The following FABP12 variants were observed in gnomAD, a reference collection of about 807,000 sequenced individuals.
FABP12 encodes the protein fatty acid-binding protein 12.
In FABP12, 19 loss-of-function variants were observed where a neutral mutation model predicts 13.7. The ratio of observed to expected loss-of-function variants is 1.39; its 90% CI spans 0.97 to 2.04. The LOEUF (loss-of-function observed/expected upper bound fraction) is 2.04, where lower values mean the gene tolerates loss of function less well. FABP12 is among the 30% of genes most tolerant of loss of function. The pLI is 0.00. For missense variants in FABP12, 182 were observed against 164.2 expected (o/e 1.11, Z -0.59); for synonymous variants, 61 against 57.0 (o/e 1.07, Z -0.32).
intron 1 of FABP12, among the ~76,000 whole-genome samples, chr8:81,542,623 G>A (rs1469392730): frequency 4.6e-5 from 7 of 152,176 alleles, no homozygotes; most frequent in Non-Finnish European, 1.0e-4. Flanking sequence ...GATAGGTCAT[G>A]GATAACCAAT....
Position 81,582,311 on chromosome 8 carries a change from C to A in FABP12, c.-185+7742G>T, listed in dbSNP as rs529462167. Among the ~76,000 whole-genome samples the A allele has an allele frequency of 6.3e-4, 96 of 151,644 alleles. 1 individual carries two copies. In the South Asian group the frequency reaches 0.02, roughly 31 times the overall value. The stretch of plus-strand genomic sequence containing the variant: ...CTAATTTTTGTATTTTTAGTAGAGA[C>A]AAGGTTTCACTATGTTGGCCAGGCT... On this transcript the variant is annotated intron_variant, in intron 1 of 5. Coordinates refer to the FABP12 transcript ENST00000692030.
chr8:81,575,201 C>A (rs190092416), intron 1 of FABP12, among the ~76,000 whole-genome samples: 1 of 152,108 alleles, frequency 6.6e-6, no homozygotes, highest in Non-Finnish European at 1.5e-5. Flanking sequence ...ATCTTGGTTT[C>A]GTTTTCAACC....
chr8:81,536,530 C>T (rs1809226468), upstream of FABP12, among the ~76,000 whole-genome samples: 1 of 152,206 alleles, frequency 6.6e-6, no homozygotes, highest in African/African-American at 2.4e-5. Context: ...TCAGGCCTTA[C>T]TCATTTGCAA....
upstream of FABP12, among the ~76,000 whole-genome samples, chr8:81,535,376 G>A (rs764574274): frequency 6.6e-6 from 1 of 152,198 alleles, no homozygotes; most frequent in Non-Finnish European, 1.5e-5. Context: ...GTGTGGGGGT[G>A]CAGTTTCAGA....
At chr8:81,530,127 T>A (rs892893431) in intron 2 of FABP12, among the ~76,000 whole-genome samples, 13 of 152,206 alleles carry the variant, frequency 8.5e-5, no homozygotes, top group African/African-American at 1.2e-4. Flanking sequence ...ATTTACCATT[T>A]GAAGTTACAA....
intron 1 of FABP12, among the ~76,000 whole-genome samples, chr8:81,572,701 A>G (rs557903593): frequency 1.3e-5 from 2 of 152,288 alleles, no homozygotes; most frequent in East Asian, 3.9e-4. Context: ...TTCCCTCATT[A>G]GTGATGTTGA....
intron 1 of FABP12, among the ~76,000 whole-genome samples, chr8:81,564,347 C>T (rs548356686): frequency 1.0e-3 from 154 of 152,148 alleles, no homozygotes; most frequent in African/African-American, 3.7e-3. Flanking sequence ...GTATAAAATT[C>T]ACTGGTAATA....
chr8:81,557,300 T>C (rs1331547491), intron 1 of FABP12, among the ~76,000 whole-genome samples: 1 of 152,210 alleles, frequency 6.6e-6, no homozygotes, highest in East Asian at 1.9e-4. Flanking sequence ...CAATTATGCT[T>C]TCCTGATATG....
chr8:81,532,629 G>A (rs571510423), intron 1 of FABP12, among the ~76,000 whole-genome samples: 14 of 152,042 alleles, frequency 9.2e-5, no homozygotes, highest in Admixed American at 3.9e-4. Flanking sequence ...AAGATCAGCC[G>A]GGCCAATATG....
At chr8:81,537,829 G>A (rs1809260210), upstream of FABP12, among the ~76,000 whole-genome samples, 1 of 152,206 alleles carries the variant, frequency 6.6e-6, no homozygotes, top group Admixed American at 6.6e-5. Context: ...CAAGCAAGCA[G>A]TAACATGGCA....
chr8:81,567,320 A>G (rs970012557), intron 1 of FABP12, among the ~76,000 whole-genome samples: 2 of 152,232 alleles, frequency 1.3e-5, no homozygotes, highest in Admixed American at 6.5e-5. Flanking sequence ...CCTAAAATTT[A>G]TATGGAACCA....
upstream of FABP12, among the ~76,000 whole-genome samples, chr8:81,538,164 C>A (rs1416846027): frequency 6.6e-6 from 1 of 152,082 alleles, no homozygotes; most frequent in Non-Finnish European, 1.5e-5. Context: ...GAGCTCAGAG[C>A]AAGAACTCAC....
At chr8:81,543,431 C>T (rs935472698) in intron 1 of FABP12, among the ~76,000 whole-genome samples, 15 of 152,136 alleles carry the variant, frequency 9.9e-5, no homozygotes, top group East Asian at 1.9e-4. Flanking sequence ...ACTAGTTTAG[C>T]GCCTGGGCTC....
chr8:81,587,062 C>G (rs111263411), intron 1 of FABP12, among the ~76,000 whole-genome samples: 2,640 of 152,232 alleles, frequency 0.017, 59 homozygotes, highest in African/African-American at 0.057. Context: ...CCTTTCCCCA[C>G]TGCTTGTTAT....
At chr8:81,547,490 A>G (rs1809453341) in intron 1 of FABP12, among the ~76,000 whole-genome samples, 2 of 152,238 alleles carry the variant, frequency 1.3e-5, no homozygotes, top group South Asian at 4.1e-4. Flanking sequence ...AATTTCACAC[A>G]AACTATAACT....
chr8:81,560,394 C>A (rs1344770419), intron 1 of FABP12, among the ~76,000 whole-genome samples: 1 of 152,180 alleles, frequency 6.6e-6, no homozygotes, highest in Non-Finnish European at 1.5e-5. Context: ...TTAAATGCAA[C>A]ACCATCTTTA....
At chr8:81,530,076 A>C (rs1236870711) in intron 2 of FABP12, among the ~76,000 whole-genome samples, 1 of 152,168 alleles carries the variant, frequency 6.6e-6, no homozygotes, top group African/African-American at 2.4e-5. Flanking sequence ...TGTTTCCTCA[A>C]TGATGTATGT....
At chr8:81,545,411 T>C (rs1809421190) in intron 1 of FABP12, among the ~76,000 whole-genome samples, 1 of 152,180 alleles carries the variant, frequency 6.6e-6, no homozygotes, top group South Asian at 2.1e-4. Context: ...ACAACTAGAG[T>C]TTGAGAGACT....
chr8:81,546,675 T>A (rs1809439152), intron 1 of FABP12, among the ~76,000 whole-genome samples: 1 of 152,034 alleles, frequency 6.6e-6, no homozygotes, highest in South Asian at 2.1e-4. Flanking sequence ...TGAAATAAAA[T>A]AAAATAAAAA....
Sources: allele counts gnomAD v4.1 joint callset (sites outside exome capture counted in the v4.1 genomes callset), GRCh38; gene constraint gnomAD v4.1.1; transcripts MANE v1.5; gene names NCBI Gene and HGNC (gene_info 2026-07-23, HGNC 2026-07-21).